The following TMEM132C variants were observed in gnomAD, a reference collection of about 807,000 sequenced individuals.
TMEM132C encodes the protein protein phosphatase 1, regulatory subunit 152.
In TMEM132C, 29 loss-of-function variants were observed where a neutral mutation model predicts 61.4. The observed-to-expected ratio is 0.47, with a 90% CI of 0.35 to 0.64. The LOEUF (loss-of-function observed/expected upper bound fraction) is 0.64. Ranked by LOEUF, TMEM132C falls within the 30% of genes least tolerant of loss-of-function variation. The pLI, the probability that TMEM132C is intolerant of heterozygous loss-of-function variation, is 0.00. For synonymous variants in TMEM132C, 656 were observed against 633.1 expected (o/e 1.04, Z -0.54); for missense variants, 1,408 against 1,476.9 (o/e 0.95, Z 0.76).
intron 3 of TMEM132C, among the ~76,000 whole-genome samples, chr12:128,566,500 A>G (rs1480438186): frequency 6.6e-6 from 1 of 152,170 alleles, no homozygotes; most frequent in African/African-American, 2.4e-5. Context: ...GTTTGGCCCT[A>G]TATTGATTGC....
intron 1 of TMEM132C, among the ~76,000 whole-genome samples, chr12:128,294,921 A>G (rs538798608): frequency 2.2e-4 from 32 of 144,034 alleles, no homozygotes; most frequent in Non-Finnish European, 4.6e-4. Flanking sequence ...TAATGCCTCC[A>G]TTTTCCTCAT....
chr12:128,321,082 C>G (rs1044672813), intron 1 of TMEM132C, among the ~76,000 whole-genome samples: 6 of 150,340 alleles, frequency 4.0e-5, no homozygotes, highest in African/African-American at 7.3e-5. Context: ...TAAAGAGGAG[C>G]CCAGCCATGA....
chr12:128,544,444 AT>A (rs1873879940), intron 3 of TMEM132C, among the ~76,000 whole-genome samples: 1 of 152,180 alleles, frequency 6.6e-6, no homozygotes, highest in Non-Finnish European at 1.5e-5. Context: ...CAAAGTACTC[AT>A]TTTTTCATGA....
At chr12:128,363,042 G>GA (rs778003667) in intron 1 of TMEM132C, among the ~76,000 whole-genome samples, 88 of 151,942 alleles carry the variant, frequency 5.8e-4, no homozygotes, top group Admixed American at 1.2e-3. Context: ...CCAGGAAAAA[G>GA]AAAAAAAGAT....
intron 1 of TMEM132C, among the ~76,000 whole-genome samples, chr12:128,405,098 A>G (rs79486815): frequency 0.013 from 1,933 of 151,840 alleles, 24 homozygotes; most frequent in Non-Finnish European, 0.017. Flanking sequence ...GTCAATAAAA[A>G]TGACTCAATT....
chr12:128,700,848 T>C (rs1954798741), intron 8 of TMEM132C, among the ~76,000 whole-genome samples: 1 of 152,230 alleles, frequency 6.6e-6, no homozygotes, highest in Non-Finnish European at 1.5e-5. Flanking sequence ...CCAACATCGC[T>C]GAGCCATCTC....
intron 3 of TMEM132C, among the ~76,000 whole-genome samples, chr12:128,608,198 G>A (rs1323203746): frequency 6.6e-6 from 1 of 152,168 alleles, no homozygotes; most frequent in Non-Finnish European, 1.5e-5. Context: ...GTGGGTAGTC[G>A]CTACCATATG....
chr12:128,666,640 G>T (rs1378850415), intron 4 of TMEM132C, among the ~76,000 whole-genome samples: 1 of 152,176 alleles, frequency 6.6e-6, no homozygotes, highest in East Asian at 1.9e-4. Flanking sequence ...GAATCCAGGA[G>T]TCCAGACTCC....
chr12:128,403,368 C>A (rs867410804), intron 1 of TMEM132C, among the ~76,000 whole-genome samples: 1 of 152,158 alleles, frequency 6.6e-6, no homozygotes, highest in African/African-American at 2.4e-5. Context: ...TATGAGTAAA[C>A]CAGAGATGTC....
chr12:128,285,757 C>T (rs1258228361), intron 1 of TMEM132C, among the ~76,000 whole-genome samples: 2 of 92,674 alleles, frequency 2.2e-5, no homozygotes, highest in Non-Finnish European at 4.1e-5. Flanking sequence ...ATCCCTCTCT[C>T]CCTTTCTCTC....
At chr12:128,627,962 C>T (rs1316520456) in intron 4 of TMEM132C, among the ~76,000 whole-genome samples, 5 of 152,092 alleles carry the variant, frequency 3.3e-5, no homozygotes, top group Admixed American at 3.3e-4. Context: ...GGTGTAGGTG[C>T]AGGTGCAGGT....
chr12:128,334,660 A>G (rs1049736177), intron 1 of TMEM132C, among the ~76,000 whole-genome samples: 3 of 151,518 alleles, frequency 2.0e-5, no homozygotes, highest in Non-Finnish European at 2.9e-5. Context: ...CAGTAGCCCA[A>G]TCTCAGCTCA....
intron 3 of TMEM132C, among the ~76,000 whole-genome samples, chr12:128,581,701 C>A (rs1263591739): frequency 1.3e-5 from 2 of 152,220 alleles, no homozygotes; most frequent in Non-Finnish European, 2.9e-5. Flanking sequence ...CTTTTTACTG[C>A]ATTAGCTCGA....
intron 3 of TMEM132C, among the ~76,000 whole-genome samples, chr12:128,553,570 G>A (rs1017770642): frequency 3.3e-5 from 5 of 152,158 alleles, no homozygotes; most frequent in African/African-American, 1.2e-4. Flanking sequence ...TTAAGTGGAT[G>A]GACCTGAATT....
Position 128,390,223 on chromosome 12 carries a change from A to G in TMEM132C, c.86-24509A>G, listed in dbSNP as rs193063016. ...TGGAGCGCCACAACTTTCTTGGCTT[A>G]AAAATATTAAGAATTGATTACCTTA... is the stretch of plus-strand genomic sequence containing the variant. On this transcript the variant is annotated intron_variant, in intron 1 of 8. Coordinates refer to ENST00000435159, the MANE Select transcript of TMEM132C (RefSeq NM_001136103.3). 2.9e-3 allele frequency among the ~76,000 whole-genome samples: 441 copies of G among 152,326 alleles called. 3 individuals carry two copies. Among genetic ancestry groups the G allele is most frequent in the African/African-American group, 9.9e-3 (410 of 41,578 alleles).
At chr12:128,557,227 G>A (rs116748718) in intron 3 of TMEM132C, among the ~76,000 whole-genome samples, 6,175 of 152,234 alleles carry the variant, frequency 0.041, 389 homozygotes, top group African/African-American at 0.14. Context: ...ATTTCTTTTG[G>A]CACCCAAGCC....
chr12:128,530,785 A>G (rs899589919), intron 2 of TMEM132C, among the ~76,000 whole-genome samples: 7 of 152,206 alleles, frequency 4.6e-5, no homozygotes, highest in African/African-American at 1.7e-4. Flanking sequence ...CATTCCATGT[A>G]AATGTAAATG....
chr12:128,505,714 C>T (rs530216967), intron 2 of TMEM132C, among the ~76,000 whole-genome samples: 98 of 152,306 alleles, frequency 6.4e-4, no homozygotes, highest in Admixed American at 1.6e-3. Flanking sequence ...TGTGTCTGGG[C>T]GTTGCCCTGC....
intron 2 of TMEM132C, among the ~76,000 whole-genome samples, chr12:128,453,628 G>C (rs1271296563): frequency 6.6e-6 from 1 of 152,180 alleles, no homozygotes; most frequent in Non-Finnish European, 1.5e-5. Flanking sequence ...GGGAAAGAGG[G>C]CGGCAGCCAT....
Sources: gnomAD v4.1 joint callset for allele counts (sites outside exome capture counted in the v4.1 genomes callset) on GRCh38, gnomAD v4.1.1 for gene constraint, MANE v1.5 for transcripts, NCBI Gene and HGNC (gene_info 2026-07-23, HGNC 2026-07-21) for gene names.